ARHGAP39: variants seen among roughly 807,000 people sequenced by gnomAD.
The protein encoded by ARHGAP39 is Rho GTPase activating protein 39, also known as rho GTPase-activating protein 39.
In ARHGAP39, 44 loss-of-function variants were observed where a neutral mutation model predicts 106.9. The ratio of observed to expected loss-of-function variants is 0.41; its 90% CI spans 0.32 to 0.53. The LOEUF is 0.53. Among genes scored for constraint, ARHGAP39 ranks in the 20% least tolerant of loss-of-function variants. ARHGAP39 has a pLI of 0.21. For synonymous variants in ARHGAP39, 768 were observed against 693.2 expected (o/e 1.11, Z -1.69); for missense variants, 1,496 against 1,577.3 (o/e 0.95, Z 0.87).
chr8:144,682,887 C>T (rs577831167), intron 1 of ARHGAP39, among the ~76,000 whole-genome samples: 2 of 151,422 alleles, frequency 1.3e-5, no homozygotes, highest in South Asian at 2.1e-4. Context: ...TGTGGTGACA[C>T]ACACCTGTAG....
At chr8:144,668,782 G>A (rs1379804706) in intron 1 of ARHGAP39, among the ~76,000 whole-genome samples, 1 of 151,804 alleles carries the variant, frequency 6.6e-6, no homozygotes, top group African/African-American at 2.4e-5. Flanking sequence ...CAAGCTTGCT[G>A]AAAAAAAACA....
chr8:144,543,726 G>A (rs979934388), intron 6 of ARHGAP39: 2 of 152,386 alleles, frequency 1.3e-5, no homozygotes, highest in Non-Finnish European at 2.9e-5. Flanking sequence ...AAGGGCAGCA[G>A]CCTGGAGCAC....
chr8:144,545,782 A>G lies in ARHGAP39; in HGVS notation c.1988T>C (p.Phe663Ser). ...GCTGCGGCTCTGCCGGCTGCTCTCG[A>G]ACTGGGCACAGGCAGCGAGGTCCTC... ...QSEDLAACAQ[F>S]ESSRQSRSGV... Residue 663 changes from phenylalanine to serine, a missense_variant, in exon 6 of 12, where the codon TTC (phenylalanine) becomes TCC (serine). Physicochemically the swap from Phe to Ser is radical, Grantham distance 155. Coordinates refer to ENST00000377307, the MANE Select transcript of ARHGAP39 (RefSeq NM_025251.3). 10 of 1,585,336 alleles carry G rather than the reference A, an allele frequency of 6.3e-6. No homozygotes were observed. The highest frequency in any genetic ancestry group is 8.6e-6 in the Non-Finnish European group (10 of 1,166,668).
At position 144,555,616 on chromosome 8, in the gene ARHGAP39, CT is replaced by C; in HGVS notation, c.539del (p.Glu180GlyfsTer97). On this transcript the variant is annotated frameshift_variant, in exon 4 of 12. Transcript: ENST00000377307. LOFTEE classifies it high-confidence loss of function. ...AATCCCGGTAAATCTCATAGTCCTT[CT>C]CAAGGAACACTCCTGGTGGTGAAGA... ...GSSSPPGVFL[E>X]KDYEIYRDYS... is the part of the protein sequence containing the mutation. 1 of 1,613,962 alleles carries C rather than the reference CT, an allele frequency of 6.2e-7. No individual in the cohort carries two copies. Among genetic ancestry groups the C allele is most frequent in the Non-Finnish European group, 8.5e-7 (1 of 1,180,004 alleles).
At chr8:144,532,266 G>C (rs778111969) in intron 10 of ARHGAP39, 39 bp downstream of exon 10, 2 of 1,599,174 alleles carry the variant, frequency 1.3e-6, no homozygotes, top group African/African-American at 2.7e-5. Flanking sequence ...CACTGCCTGA[G>C]CCAGGCCCGC....
In ARHGAP39 at chr8:144,548,834, G is replaced by T. The variant is rs567885143; in HGVS notation, c.597-345C>A. ...TGTCTCCAGAGCTGCCTGAGCCGCC[G>T]GGCAGGCTCCTGGGCCCTGTGTTCC... On this transcript the variant is annotated intron_variant, in intron 4 of 11. Transcript: ENST00000377307. This position sits in a 1 kb window ranked among gnomAD's most constrained non-coding sequence, Gnocchi z 7.4. Among the ~76,000 whole-genome samples the T allele has an allele frequency of 6.6e-6, 1 of 152,264 alleles. No homozygotes were observed. Among genetic ancestry groups the T allele is most frequent in the East Asian group, 1.9e-4 (1 of 5,182 alleles).
At chr8:144,559,330 C>T (rs1023002912) in intron 3 of ARHGAP39, among the ~76,000 whole-genome samples, 4 of 127,298 alleles carry the variant, frequency 3.1e-5, no homozygotes, top group Admixed American at 1.8e-4. Flanking sequence ...CGTGCAAGCC[C>T]GGGTGACAGA....
rs1301119059 is a variant in ARHGAP39 at position 144,585,700 on chromosome 8, C to A, written c.81-4423G>T. ...CTCCCGCCCATGGTGCCACGCGCTG[C>A]AGCCTGGGCCTCCCGAGGATGTCGC... is the stretch of plus-strand genomic sequence containing the variant. On this transcript the variant is annotated intron_variant, in intron 2 of 11. Coordinates refer to ENST00000377307, the MANE Select transcript of ARHGAP39 (RefSeq NM_025251.3). The surrounding 1 kb of genome is among the most constrained non-coding windows in gnomAD (Gnocchi z 4.6). Among the ~76,000 whole-genome samples the A allele has an allele frequency of 6.6e-6, 1 of 152,220 alleles. No homozygotes were observed. The highest frequency in any genetic ancestry group is 1.9e-4 in the East Asian group (1 of 5,196).
chr8:144,599,164 C>G (rs1819745540), intron 2 of ARHGAP39, among the ~76,000 whole-genome samples: 1 of 152,196 alleles, frequency 6.6e-6, no homozygotes. Context: ...ACCTAGCAGT[C>G]CCTCGTCAGA....
chr8:144,684,324 C>CT lies in ARHGAP39; in HGVS notation c.-82+1361dup, dbSNP rs1822518165. Among the ~76,000 whole-genome samples, 1 of 152,246 alleles carries CT rather than the reference C, an allele frequency of 6.6e-6. No individual in the cohort carries two copies. Among genetic ancestry groups the CT allele is most frequent in the Non-Finnish European group, 1.5e-5 (1 of 68,052 alleles). ...CCCTCCCCCGGCGCGAGAATCGCAC[C>CT]TTGCTCCTTGTGGATCGGGCGCCGC... is the stretch of plus-strand genomic sequence containing the variant. On this transcript the variant is annotated intron_variant, in intron 1 of 11. Transcript: ENST00000377307. The surrounding 1 kb of genome is among the most constrained non-coding windows in gnomAD (Gnocchi z 4.4).
At chr8:144,589,183 T>A (rs1411229984) in intron 2 of ARHGAP39, among the ~76,000 whole-genome samples, 1 of 152,252 alleles carries the variant, frequency 6.6e-6, no homozygotes, top group East Asian at 1.9e-4. Flanking sequence ...CTGCGCTGCC[T>A]GTGCCATTTC....
rs1820886403 is a variant in ARHGAP39, at chr8:144,624,360, AGG to A, written c.-81-18667_-81-18666del. Among the ~76,000 whole-genome samples the A allele has an allele frequency of 8.3e-4, 4 of 4,814 alleles. No individual in the cohort carries two copies. In the South Asian group the frequency reaches 0.065, roughly 78 times the overall value. 3.2% of individuals were successfully genotyped at this position (4,814 alleles called of 152,430 possible). ...AAGAAATAATTTTATATGAATAAAG[AGG>A]AAAGAGGAAGCATGAAATCCACAAC... is the stretch of plus-strand genomic sequence containing the variant. On this transcript the variant is annotated intron_variant, in intron 1 of 11. Coordinates refer to ENST00000377307, the MANE Select transcript of ARHGAP39 (RefSeq NM_025251.3).
Position 144,585,534 on chromosome 8 carries a change from A to G in ARHGAP39, c.81-4257T>C, listed in dbSNP as rs1819149606. Among the ~76,000 whole-genome samples, 2 of 151,794 alleles carry G rather than the reference A, an allele frequency of 1.3e-5. No individual in the cohort carries two copies. The highest frequency in any genetic ancestry group is 6.6e-5 in the Admixed American group (1 of 15,250). ...AGCTCCAGGGCAACTCTCCCTGGAG[A>G]CAACCCTTGGCCTCAGCCCATGATA... On this transcript the variant is annotated intron_variant, in intron 2 of 11. Transcript: ENST00000377307. The surrounding 1 kb of genome is among the most constrained non-coding windows in gnomAD (Gnocchi z 4.6).
chr8:144,588,461 T>C (rs118135281), intron 2 of ARHGAP39, among the ~76,000 whole-genome samples: 1 of 152,222 alleles, frequency 6.6e-6, no homozygotes, highest in Non-Finnish European at 1.5e-5. Flanking sequence ...CCTCACCCTA[T>C]GGGGAGGTGG....
At chr8:144,654,635 CG>C (rs1377394856) in intron 1 of ARHGAP39, among the ~76,000 whole-genome samples, 2 of 152,218 alleles carry the variant, frequency 1.3e-5, no homozygotes, top group Non-Finnish European at 2.9e-5. Flanking sequence ...TGGCAGGAGC[CG>C]GGGACAAGCA....
At chr8:144,544,006 G>C (rs904783347) in intron 6 of ARHGAP39, 2 of 152,460 alleles carry the variant, frequency 1.3e-5, no homozygotes, top group African/African-American at 4.8e-5. Context: ...ATGATGCCAA[G>C]AGGAACACAG....
the ARHGAP39 span, among the ~76,000 whole-genome samples, chr8:144,695,878 A>G: frequency 6.6e-6 from 1 of 152,168 alleles, no homozygotes; most frequent in Non-Finnish European, 1.5e-5. Flanking sequence ...AATTAATTGC[A>G]TTCTTGGATG....
At chr8:144,583,013 C>T (rs942819302) in intron 2 of ARHGAP39, among the ~76,000 whole-genome samples, 12 of 152,184 alleles carry the variant, frequency 7.9e-5, no homozygotes, top group African/African-American at 2.2e-4. Context: ...CTGCATGTCT[C>T]GCCACACCCT....
intron 2 of ARHGAP39, among the ~76,000 whole-genome samples, chr8:144,600,254 G>A (rs562512602): frequency 2.2e-4 from 33 of 149,686 alleles, no homozygotes; most frequent in Admixed American, 1.0e-3. Context: ...CTGCGTGTGC[G>A]TGTGCGTGGG....
Sources: gnomAD v4.1 joint callset for allele counts (sites outside exome capture counted in the v4.1 genomes callset) on GRCh38, gnomAD v4.1.1 for gene constraint, Gnocchi (gnomAD v3.1) non-coding constraint, MANE v1.5 for transcripts, NCBI Gene and HGNC (gene_info 2026-07-23, HGNC 2026-07-21) for gene names.